CCDC144A: variants seen among roughly 807,000 people sequenced by gnomAD.
The protein encoded by CCDC144A is coiled-coil domain-containing protein 144A.
A neutral mutation model predicts 143.8 loss-of-function variants in CCDC144A; 41 were observed. The observed-to-expected ratio is 0.29, with a 90% confidence interval of 0.22 to 0.37. The LOEUF (loss-of-function observed/expected upper bound fraction) is 0.37. CCDC144A is among the 10% of genes least tolerant of loss of function. The pLI, the probability that CCDC144A is intolerant of heterozygous loss-of-function variation, is 1.00. For synonymous variants in CCDC144A, 242 were observed against 517.9 expected, an observed-to-expected ratio of 0.47 and a Z score of 7.23; for missense variants, 637 against 1,488.8, an observed-to-expected ratio of 0.43 and a Z score of 9.41.
chr17:16,690,330 C>T lies in CCDC144A; in HGVS notation c.-71C>T, dbSNP rs1025575242. The T allele has an allele frequency of 2.4e-6, 3 of 1,249,224 alleles. No individual in the cohort carries two copies. Among genetic ancestry groups the T allele is most frequent in the African/African-American group, 3.0e-5 (2 of 66,020 alleles). The allele number at this position is 1,249,224 out of a possible 1,614,324, so 77.4% of individuals were successfully genotyped here. A position where few individuals can be genotyped will look rare whatever the true frequency, so the allele number is the denominator to read the frequency against. On this transcript the variant is annotated 5_prime_UTR_variant, in exon 1 of 17. Transcript: ENST00000399273. Reference sequence around the variant, plus strand: ...GCTTGGCATTTCTGGCTTGGCGGTCCTCCTTTCGCAGATTGGAAACCGCGG... The same window carrying T: ...GCTTGGCATTTCTGGCTTGGCGGTCTTCCTTTCGCAGATTGGAAACCGCGG...
chr17:16,765,130 A>G (rs879752995), intron 15 of CCDC144A: 209 of 106,260 alleles, frequency 2.0e-3, no homozygotes, highest in Admixed American at 5.4e-3. Context: ...GACGAGCTGT[A>G]TCAACTATAG....
chr17:16,666,917 C>G, the CCDC144A span: 1 of 152,560 alleles, frequency 6.6e-6, no homozygotes, highest in Admixed American at 6.5e-5. Context: ...GATGCCCCCG[C>G]CCGGGACTCC....
In CCDC144A at chr17:16,719,144, A is replaced by T. The variant is rs941761023; in HGVS notation, c.1716-1054A>T. On this transcript the variant is annotated intron_variant, in intron 6 of 16. Transcript: ENST00000399273. ...TGCACCTGGCCTATAAAGTTTTTTT[A>T]AAAAATATTTAATCAAGTTGACCTA... Among the ~76,000 whole-genome samples the T allele has an allele frequency of 3.3e-3, 496 of 151,358 alleles. 2 individuals carry two copies. Among genetic ancestry groups the T allele is most frequent in the African/African-American group, 9.9e-3 (406 of 41,042 alleles).
At position 16,712,334 on chromosome 17, in the gene CCDC144A, G is replaced by A. The variant is rs184851977; in HGVS notation, c.1715+519G>A. 2.6e-4 allele frequency among the ~76,000 whole-genome samples: 39 copies of A among 152,106 alleles called. No homozygotes were observed. The East Asian group carries it at 6.4e-3, about 25-fold the overall frequency. On this transcript the variant is annotated intron_variant, in intron 6 of 16. Coordinates refer to ENST00000399273, the MANE Select transcript of CCDC144A (RefSeq NM_001382000.1). ...ATATTGATATTTTATTTAAAAAATC[G>A]GAAGTATTGGCAAATGTGAAGAAAA...
chr17:16,712,415 T>TTAG (rs1476402825), intron 6 of CCDC144A, among the ~76,000 whole-genome samples: 2 of 152,100 alleles, frequency 1.3e-5, no homozygotes, highest in Non-Finnish European at 2.9e-5. Flanking sequence ...GTAGGGTAAT[T>TTAG]TAGTAGCATG....
rs545842243 is a variant in CCDC144A at position 16,726,658 on chromosome 17, G to GT, written c.1892-863dup. Among the ~76,000 whole-genome samples the GT allele has an allele frequency of 1.3e-3, 202 of 152,072 alleles. 1 individual carries two copies. The highest frequency in any genetic ancestry group is 4.7e-3 in the African/African-American group (197 of 41,486). ...AACACCAGACATGTTTCTTTCCAGT[G>GT]TTTTTTAGATGTTTTTTTCCCCTTG... On this transcript the variant is annotated intron_variant, in intron 8 of 16. Transcript: ENST00000399273.
Position 16,709,442 on chromosome 17 carries a change from G to A in CCDC144A, c.1385G>A (p.Ser462Asn), listed in dbSNP as rs1258560776. ...KNMNQNSDSG[S>N]TNNYKSLKPK... The stretch of plus-strand genomic sequence containing the variant: ...ATGAACCAAAATAGTGACAGTGGCA[G>A]TACAAACAACTATAAAAGCCTGAAA... The change falls in exon 5 of 17, where the codon AGT becomes AAT. Residue 462 changes from serine (S) to asparagine (N), a missense_variant. By Grantham distance (46) the Ser-to-Asn change is conservative. Transcript: ENST00000399273. 6.2e-7 allele frequency: 1 copy of A among 1,611,656 alleles called. No individual in the cohort carries two copies. Among genetic ancestry groups the A allele is most frequent in the Admixed American group, 1.7e-5 (1 of 59,994 alleles).
intron 8 of CCDC144A, among the ~76,000 whole-genome samples, chr17:16,724,440 G>A (rs1913271425): frequency 1.3e-5 from 2 of 151,470 alleles, no homozygotes; most frequent in Admixed American, 1.3e-4. Flanking sequence ...AACCCGGGAG[G>A]CGGAGCTTGC....
intron 6 of CCDC144A, among the ~76,000 whole-genome samples, chr17:16,714,082 C>T (rs1258194633): frequency 1.3e-5 from 2 of 152,134 alleles, no homozygotes; most frequent in Non-Finnish European, 2.9e-5. Context: ...AGTGTCTTCA[C>T]TTGGCTTTCA....
chr17:16,751,863 A>C (rs1273629880), intron 12 of CCDC144A, among the ~76,000 whole-genome samples: 1 of 152,220 alleles, frequency 6.6e-6, no homozygotes, highest in African/African-American at 2.4e-5. Flanking sequence ...GGGAGCACTT[A>C]GCTCGCACTC....
the CCDC144A span, among the ~76,000 whole-genome samples, chr17:16,673,846 A>C: frequency 6.6e-6 from 1 of 152,082 alleles, no homozygotes; most frequent in African/African-American, 2.4e-5. Context: ...TATTTTTTTT[A>C]AATTATTTTT....
At chr17:16,707,286 G>A (rs914183655) in intron 3 of CCDC144A, 183 bp from the exon 4 acceptor site, 1 of 485,668 alleles carries the variant, frequency 2.1e-6, no homozygotes, top group East Asian at 3.6e-5. Flanking sequence ...AAAGTGGTTT[G>A]TTGAAGTTTT....
chr17:16,708,868 C>A lies in CCDC144A; in HGVS notation c.811C>A (p.His271Asn). The A allele has an allele frequency of 6.2e-7, 1 of 1,611,784 alleles. No individual in the cohort carries two copies. Among genetic ancestry groups the A allele is most frequent in the Non-Finnish European group, 8.5e-7 (1 of 1,179,764 alleles). Residue 271 changes from histidine (H) to asparagine (N), a missense_variant, in exon 5 of 17, where the codon CAT becomes AAT. Physicochemically the swap from His to Asn is moderately conservative, Grantham distance 68. Coordinates refer to ENST00000399273, the MANE Select transcript of CCDC144A (RefSeq NM_001382000.1). ...TATACCTATATATCCAGTACTTCCT[C>A]ATGTGCAAAAATCTGAGGAAATGTG... ...EDIPIYPVLP[H>N]VQKSEEMWIE...
chr17:16,682,909 T>G, the CCDC144A span, among the ~76,000 whole-genome samples: 3 of 127,594 alleles, frequency 2.4e-5, no homozygotes, highest in African/African-American at 8.8e-5. Flanking sequence ...TTTTTTTTTT[T>G]TTTTTTTTTT....
At chr17:16,724,509 CA>C (rs1194753881) in intron 8 of CCDC144A, among the ~76,000 whole-genome samples, 9,512 of 65,966 alleles carry the variant, frequency 0.14, 232 homozygotes, top group East Asian at 0.25. Flanking sequence ...GACTCCGTCT[CA>C]AAAAAAAAAA....
At chr17:16,734,566 A>G in intron 11 of CCDC144A, 124 bp from the exon 12 acceptor site, 1 of 728,324 alleles carries the variant, frequency 1.4e-6, no homozygotes, top group Admixed American at 3.2e-5. Context: ...TTTCGATAGA[A>G]TATTTTTTTC....
In CCDC144A at chr17:16,718,271, A is replaced by G. The variant is rs551534911; in HGVS notation, c.1716-1927A>G. Among the ~76,000 whole-genome samples the G allele has an allele frequency of 3.3e-5, 5 of 152,180 alleles. No homozygotes were observed. The South Asian group carries it at 1.0e-3, about 32-fold the overall frequency. On this transcript the variant is annotated intron_variant, in intron 6 of 16. Coordinates refer to ENST00000399273, the MANE Select transcript of CCDC144A (RefSeq NM_001382000.1). The stretch of plus-strand genomic sequence containing the variant: ...ACCGTTATTGGGAAAGGCAACAGAG[A>G]AATGAGTGATAACTGAAGAAGAATG...
At chr17:16,715,045 C>A (rs1428819659) in intron 6 of CCDC144A, among the ~76,000 whole-genome samples, 1 of 152,002 alleles carries the variant, frequency 6.6e-6, no homozygotes, top group African/African-American at 2.4e-5. Context: ...AAGGACTTTT[C>A]TGGCCATCCT....
chr17:16,683,475 G>C, the CCDC144A span: 3 of 1,388,450 alleles, frequency 2.2e-6, no homozygotes, highest in Non-Finnish European at 1.0e-6. Flanking sequence ...AGTCGCCTTG[G>C]CCGCCTTGCC....
Sources: gnomAD v4.1 joint callset for allele counts (sites outside exome capture counted in the v4.1 genomes callset) on GRCh38, gnomAD v4.1.1 for gene constraint, MANE v1.5 for transcripts, NCBI Gene and HGNC (gene_info 2026-07-23, HGNC 2026-07-21) for gene names.